AIG1: variants seen among roughly 807,000 people sequenced by gnomAD.
The protein encoded by AIG1 is androgen-induced gene 1 protein.
Under a neutral mutation model 31.4 loss-of-function variants are expected in AIG1, and 23 were observed. The observed-to-expected ratio is 0.73, with a 90% CI of 0.53 to 1.04. AIG1 has a LOEUF of 1.04. Ranked by LOEUF, AIG1 falls within the 50% of genes least tolerant of loss-of-function variation. The pLI is 0.00. For missense variants in AIG1, 274 were observed against 295.0 expected (o/e 0.93, Z 0.52); for synonymous variants, 100 against 110.5 (o/e 0.90, Z 0.60).
intron 1 of AIG1, among the ~76,000 whole-genome samples, chr6:143,125,043 C>T (rs1007861261): frequency 1.3e-5 from 2 of 152,010 alleles, no homozygotes; most frequent in Non-Finnish European, 2.9e-5. Context: ...CTCCAGGGTA[C>T]CTTTTATACT....
At chr6:143,164,889 G>A in intron 2 of AIG1, 193 bp from the exon 3 acceptor site, 1 of 479,574 alleles carries the variant, frequency 2.1e-6, no homozygotes, top group South Asian at 2.8e-5. Context: ...ATCAGAGAGA[G>A]AGGAGGCACC....
intron 1 of AIG1, among the ~76,000 whole-genome samples, chr6:143,101,535 ACT>A (rs1780280396): frequency 6.6e-6 from 1 of 151,910 alleles, no homozygotes; most frequent in African/African-American, 2.4e-5. Context: ...GAGACTGGAG[ACT>A]CTTAGAGGAC....
intron 3 of AIG1, among the ~76,000 whole-genome samples, chr6:143,272,451 G>T (rs576603833): frequency 2.0e-5 from 3 of 152,172 alleles, no homozygotes; most frequent in Non-Finnish European, 1.5e-5. Context: ...CTATGGTAGA[G>T]AAGAGAGAGA....
At chr6:143,217,841 A>C (rs1792156164) in intron 3 of AIG1, among the ~76,000 whole-genome samples, 1 of 152,224 alleles carries the variant, frequency 6.6e-6, no homozygotes, top group East Asian at 1.9e-4. Context: ...CTTAGGATAA[A>C]TTCTCAAGGG....
At chr6:143,187,781 A>G in intron 3 of AIG1, 1 of 1,511,968 alleles carries the variant, frequency 6.6e-7, no homozygotes, top group Non-Finnish European at 8.8e-7. Flanking sequence ...ACATTTGGAA[A>G]TGACCTTGAA....
At chr6:143,102,221 A>G (rs991131406) in intron 1 of AIG1, among the ~76,000 whole-genome samples, 93 of 151,854 alleles carry the variant, frequency 6.1e-4, no homozygotes, top group African/African-American at 2.1e-3. Context: ...TTTGAACACA[A>G]TCTTGTGGAT....
chr6:143,223,662 G>A (rs1792705812), intron 3 of AIG1, among the ~76,000 whole-genome samples: 3 of 152,226 alleles, frequency 2.0e-5, no homozygotes, highest in South Asian at 4.1e-4. Flanking sequence ...TTGGTTTAAT[G>A]TACTTGAATG....
chr6:143,214,768 T>C (rs893498377), intron 3 of AIG1, among the ~76,000 whole-genome samples: 1 of 152,160 alleles, frequency 6.6e-6, no homozygotes, highest in African/African-American at 2.4e-5. Flanking sequence ...CCTGCACACC[T>C]ATGCTTCACC....
chr6:143,195,497 ATGGGGT>A (rs1790147910), intron 3 of AIG1, among the ~76,000 whole-genome samples: 1 of 152,166 alleles, frequency 6.6e-6, no homozygotes, highest in East Asian at 1.9e-4. Context: ...CAAGGGGAAG[ATGGGGT>A]CAGATGAACA....
chr6:143,263,175 T>C (rs1317001875), intron 3 of AIG1, among the ~76,000 whole-genome samples: 2 of 152,212 alleles, frequency 1.3e-5, no homozygotes, highest in Non-Finnish European at 2.9e-5. Context: ...CAAGCATTTT[T>C]AAATGGTTCC....
chr6:143,200,616 G>A (rs1389350493), intron 3 of AIG1, among the ~76,000 whole-genome samples: 3 of 152,108 alleles, frequency 2.0e-5, no homozygotes, highest in African/African-American at 4.8e-5. Flanking sequence ...AGTGACCGCC[G>A]TGTTGACCAA....
At chr6:143,315,816 G>A (rs1445273321) in intron 4 of AIG1, among the ~76,000 whole-genome samples, 1 of 152,044 alleles carries the variant, frequency 6.6e-6, no homozygotes, top group Non-Finnish European at 1.5e-5. Context: ...ACTCAGCCAT[G>A]AGCAAAGGTT....
intron 3 of AIG1, among the ~76,000 whole-genome samples, chr6:143,206,675 C>G (rs1233742781): frequency 6.6e-6 from 1 of 152,000 alleles, no homozygotes; most frequent in Non-Finnish European, 1.5e-5. Flanking sequence ...TAAAAAGATA[C>G]AAAAACAAAA....
At chr6:143,223,769 C>G (rs1451956544) in intron 3 of AIG1, among the ~76,000 whole-genome samples, 1 of 152,176 alleles carries the variant, frequency 6.6e-6, no homozygotes, top group Non-Finnish European at 1.5e-5. Context: ...AATTGAATAA[C>G]TACAATTTAT....
intron 3 of AIG1, among the ~76,000 whole-genome samples, chr6:143,185,774 G>A (rs1789203524): frequency 6.6e-6 from 1 of 152,088 alleles, no homozygotes; most frequent in African/African-American, 2.4e-5. Flanking sequence ...TTGAAAGAAT[G>A]CATGAATGAA....
intron 1 of AIG1, among the ~76,000 whole-genome samples, chr6:143,124,872 A>G (rs535827608): frequency 5.3e-5 from 8 of 152,070 alleles, no homozygotes; most frequent in African/African-American, 1.9e-4. Context: ...TGATCCAATT[A>G]CCTCCACCTG....
At position 143,061,077 on chromosome 6, in the gene AIG1, C is replaced by A. The variant is rs1273497751; in HGVS notation, c.141+11C>A. ...ACGTTCATTGATCTGGTAAGGCCGT[C>A]CCCTCCCCCTGCTCGCCCCGCACCC... is the stretch of plus-strand genomic sequence containing the variant. On this transcript the variant is annotated intron_variant, in intron 1 of 5. Coordinates refer to ENST00000357847, the MANE Select transcript of AIG1 (RefSeq NM_016108.4). 6 of 1,611,698 alleles carry A rather than the reference C, an allele frequency of 3.7e-6. No individual in the cohort carries two copies. The South Asian group carries it at 4.4e-5, about 12-fold the overall frequency.
At chr6:143,097,377 C>A (rs953741246) in intron 1 of AIG1, among the ~76,000 whole-genome samples, 1 of 152,050 alleles carries the variant, frequency 6.6e-6, no homozygotes, top group Non-Finnish European at 1.5e-5. Flanking sequence ...TATAAGCACA[C>A]CCCCAGCATA....
intron 3 of AIG1, among the ~76,000 whole-genome samples, chr6:143,257,825 GA>G (rs1477801759): frequency 6.6e-6 from 1 of 152,172 alleles, no homozygotes; most frequent in Non-Finnish European, 1.5e-5. Context: ...TATAAGTCAT[GA>G]GTTCTAATTC....
Sources: gnomAD v4.1 joint callset for allele counts (sites outside exome capture counted in the v4.1 genomes callset) on GRCh38, gnomAD v4.1.1 for gene constraint, MANE v1.5 for transcripts, NCBI Gene and HGNC (gene_info 2026-07-23, HGNC 2026-07-21) for gene names.